The following KIAA0408 variants were observed in gnomAD, a reference collection of about 807,000 sequenced individuals.
The protein encoded by KIAA0408 is uncharacterized protein KIAA0408.
In KIAA0408, 51 loss-of-function variants were observed where a neutral mutation model predicts 60.9. That is an observed-to-expected ratio of 0.84 (90% confidence interval 0.67 to 1.06). KIAA0408 has a LOEUF of 1.06. Ranked by LOEUF, KIAA0408 falls within the 50% of genes least tolerant of loss-of-function variation. The probability of loss-of-function intolerance (pLI) is 0.00; values close to 1 mark genes in which losing one functional copy is unlikely to be tolerated. For synonymous variants in KIAA0408, 304 were observed against 282.4 expected, an observed-to-expected ratio of 1.08 and a Z score of -0.77; for missense variants, 787 against 833.9, an observed-to-expected ratio of 0.94 and a Z score of 0.69.
At position 127,440,516 on chromosome 6, in the gene KIAA0408, G is replaced by C. The variant is rs1026765229; in HGVS notation, c.*3593C>G. The stretch of plus-strand genomic sequence containing the variant: ...ATTTTTTGTATTTTTAGCAGAGAGG[G>C]GGTTTCACCGTGATGAAACCAGGAT... On this transcript the variant is annotated 3_prime_UTR_variant, in exon 6 of 6. Coordinates refer to ENST00000483725, the MANE Select transcript of KIAA0408 (RefSeq NM_014702.5). 2 of 151,734 alleles carry C rather than the reference G, an allele frequency of 1.3e-5. No homozygotes were observed. Among genetic ancestry groups the C allele is most frequent in the African/African-American group, 4.8e-5 (2 of 41,284 alleles). 9.4% of individuals were successfully genotyped at this position (151,734 alleles called of 1,614,324 possible). A position where few individuals can be genotyped will look rare whatever the true frequency, so the allele number is the denominator to read the frequency against.
Position 127,442,590 on chromosome 6 carries a change from A to AGTATGG in KIAA0408, c.*1518_*1519insCCATAC, listed in dbSNP as rs1773123634. On this transcript the variant is annotated 3_prime_UTR_variant, in exon 6 of 6. Transcript: ENST00000483725. ...CTTACAGTAAAGTATGAATCTAGAC[A>AGTATGG]TCACCATGCTACAGTCTTGAGCCTT... 4 of 152,220 alleles carry AGTATGG rather than the reference A, an allele frequency of 2.6e-5. No homozygotes were observed. In the East Asian group the frequency reaches 7.7e-4, roughly 29 times the overall value. The allele number at this position is 152,220 out of a possible 1,614,324, so 9.4% of individuals were successfully genotyped here. A position where few individuals can be genotyped will look rare whatever the true frequency, so the allele number is the denominator to read the frequency against.
chr6:127,450,043 C>G lies in KIAA0408; in HGVS notation c.445G>C (p.Asp149His), dbSNP rs1208494050. Reference protein sequence around the residue: ...DNQKECEAWPDLRTSEEDSKS... With the variant: ...DNQKECEAWPHLRTSEEDSKS... ...CTGTCTTCCTCAGAAGTCCTCAGGT[C>G]AGGCCAGGCCTCACATTCCTTTTGG... The change falls in exon 3 of 6, where the codon GAC becomes CAC. Residue 149 changes from aspartate (D) to histidine (H), a missense_variant. Transcript: ENST00000483725. 3 of 1,613,956 alleles carry G rather than the reference C, an allele frequency of 1.9e-6. No homozygotes were observed. Among genetic ancestry groups the G allele is most frequent in the Non-Finnish European group, 2.5e-6 (3 of 1,179,980 alleles).
chr6:127,456,005 T>A (rs961795987), intron 1 of KIAA0408, among the ~76,000 whole-genome samples: 4 of 152,214 alleles, frequency 2.6e-5, no homozygotes, highest in Non-Finnish European at 4.4e-5. Context: ...GTCTAACAAT[T>A]CTTCATAGGA....
At chr6:127,457,503 A>T (rs541856901) in intron 1 of KIAA0408, among the ~76,000 whole-genome samples, 12 of 152,350 alleles carry the variant, frequency 7.9e-5, no homozygotes, top group Non-Finnish European at 1.3e-4. Flanking sequence ...TCCATTTCAG[A>T]ATAAAAATTT....
intron 4 of KIAA0408, 113 bp from the exon 5 acceptor site, chr6:127,447,853 G>A: frequency 7.8e-7 from 1 of 1,285,962 alleles, no homozygotes. Flanking sequence ...ATTCACAACT[G>A]CCTCATACAT....
At chr6:127,457,810 G>A (rs1183977382) in intron 1 of KIAA0408, among the ~76,000 whole-genome samples, 1 of 152,160 alleles carries the variant, frequency 6.6e-6, no homozygotes, top group South Asian at 2.1e-4. Flanking sequence ...TTCTCTGAGG[G>A]GTGCTCCATT....
rs749050563 is a variant in KIAA0408 at position 127,444,282 on chromosome 6, C to T, written c.1912G>A (p.Glu638Lys). The change falls in exon 6 of 6, where the codon GAA becomes AAA. Residue 638 changes from glutamate (E) to lysine (K), a missense_variant and splice_region_variant. Physicochemically the swap from Glu to Lys is moderately conservative, Grantham distance 56. Transcript: ENST00000483725. ...QGIDPKKITE[E>K]SMSVNASHGK... ...TGTGAGGCGTTCACTGACATGGATTCCTAGGACACAAGTAAAAACATTCCT... is the reference window on the plus strand; with the variant it reads ...TGTGAGGCGTTCACTGACATGGATTTCTAGGACACAAGTAAAAACATTCCT... 13 of 1,573,894 alleles carry T rather than the reference C, an allele frequency of 8.3e-6. No individual in the cohort carries two copies. The highest frequency in any genetic ancestry group is 1.1e-5 in the Non-Finnish European group (13 of 1,161,866).
In KIAA0408 at chr6:127,438,513, T is replaced by C. The variant is rs1054268810; in HGVS notation, c.*5596A>G. The stretch of plus-strand genomic sequence containing the variant: ...GCAGCAGAGCACAATTGCAGTCACA[T>C]TGCTTAACAACAGGGATATGATCTG... On this transcript the variant is annotated 3_prime_UTR_variant, in exon 6 of 6. Coordinates refer to ENST00000483725, the MANE Select transcript of KIAA0408 (RefSeq NM_014702.5). 1 of 152,194 alleles carries C rather than the reference T, an allele frequency of 6.6e-6. No individual in the cohort carries two copies. Among genetic ancestry groups the C allele is most frequent in the Non-Finnish European group, 1.5e-5 (1 of 68,024 alleles). The allele number at this position is 152,194 out of a possible 1,614,324, so 9.4% of individuals were successfully genotyped here. A position where few individuals can be genotyped will look rare whatever the true frequency, so the allele number is the denominator to read the frequency against.
At position 127,438,409 on chromosome 6, in the gene KIAA0408, C is replaced by T. The variant is rs1773053803; in HGVS notation, c.*5700G>A. The T allele has an allele frequency of 6.6e-6, 1 of 152,066 alleles. No homozygotes were observed. The highest frequency in any genetic ancestry group is 1.5e-5 in the Non-Finnish European group (1 of 68,032). 9.4% of individuals were successfully genotyped at this position (152,066 alleles called of 1,614,324 possible). ...GAAAAAATCTGCAGATCCCAAATAG[C>T]TGGATTAAATTTGTTTAATGATTCT... On this transcript the variant is annotated 3_prime_UTR_variant, in exon 6 of 6. Coordinates refer to ENST00000483725, the MANE Select transcript of KIAA0408 (RefSeq NM_014702.5).
chr6:127,446,996 C>T lies in KIAA0408; in HGVS notation c.1323G>A (p.Lys441=), dbSNP rs755937723. The T allele has an allele frequency of 6.2e-7, 1 of 1,613,800 alleles. No homozygotes were observed. Among genetic ancestry groups the T allele is most frequent in the Non-Finnish European group, 8.5e-7 (1 of 1,179,950 alleles). The change falls in exon 5 of 6, where the codon AAG becomes AAA. Residue 441 remains lysine, a synonymous_variant. Coordinates refer to ENST00000483725, the MANE Select transcript of KIAA0408 (RefSeq NM_014702.5). ...ATACAGTTCTGTTAAATTCATCAGT[C>T]TTTGCTGCCAGCTTCTCATTCCTTG... The part of the protein sequence containing the change: ...RTTRNEKLAA[K]TDEFNRTVFR...
At chr6:127,458,388 T>C (rs899446484) in intron 1 of KIAA0408, among the ~76,000 whole-genome samples, 1 of 152,218 alleles carries the variant, frequency 6.6e-6, no homozygotes, top group Non-Finnish European at 1.5e-5. Flanking sequence ...ACATTCCTCA[T>C]GCTCCAACAA....
Position 127,446,799 on chromosome 6 carries a change from T to A in KIAA0408, c.1520A>T (p.Asn507Ile), listed in dbSNP as rs1282874717. ...TTTCTTGGTGGGATTATCAGGCACA[T>A]TTTCCATGGGCACAGGCATGTGGGC... ...TNAHMPVPME[N>I]VPDNPTKKST... Residue 507 changes from asparagine (N) to isoleucine (I), a missense_variant, in exon 5 of 6, where the codon AAT (asparagine) becomes ATT (isoleucine). Asn to Ile is a moderately radical substitution (Grantham distance 149). This residue lies in a region of KIAA0408 where 640 missense variants were observed against 681.3 expected (regional missense o/e 0.94). Coordinates refer to ENST00000483725, the MANE Select transcript of KIAA0408 (RefSeq NM_014702.5). The A allele has an allele frequency of 6.2e-7, 1 of 1,613,978 alleles. No homozygotes were observed. The highest frequency in any genetic ancestry group is 2.2e-5 in the East Asian group (1 of 44,866).
At chr6:127,449,377 T>A (rs111489428) in intron 4 of KIAA0408, among the ~76,000 whole-genome samples, 2,588 of 152,192 alleles carry the variant, frequency 0.017, 69 homozygotes, top group African/African-American at 0.058. Context: ...TGGCCTGGCG[T>A]GGTGGCTCAC....
Position 127,447,595 on chromosome 6 carries a change from T to A in KIAA0408, c.724A>T (p.Asn242Tyr), listed in dbSNP as rs778001803. The change falls in exon 5 of 6, where the codon AAT (asparagine) becomes TAT (tyrosine). Residue 242 changes from asparagine to tyrosine, a missense_variant. Asn to Tyr is a moderately radical substitution (Grantham distance 143). This residue lies in a region of KIAA0408 where 640 missense variants were observed against 681.3 expected (regional missense o/e 0.94). Transcript: ENST00000483725. ...QKNRKNLSCT[N>Y]VLQSNSTKKC... ...TTCGTAGAATTGCTCTGGAGCACATTGGTACAGCTCAGATTCTTCCTGTTT... is the reference window on the plus strand; with the variant it reads ...TTCGTAGAATTGCTCTGGAGCACATAGGTACAGCTCAGATTCTTCCTGTTT... The A allele has an allele frequency of 1.2e-6, 2 of 1,613,462 alleles. No homozygotes were observed. Among genetic ancestry groups the A allele is most frequent in the East Asian group, 4.5e-5 (2 of 44,874 alleles).
intron 4 of KIAA0408, among the ~76,000 whole-genome samples, 195 bp from the exon 5 acceptor site, chr6:127,447,935 TTATATTC>T (rs1773232939): frequency 6.6e-6 from 1 of 152,168 alleles, no homozygotes; most frequent in Non-Finnish European, 1.5e-5. Context: ...CCTCTCAGTG[TTATATTC>T]AATGCTCTAC....
At chr6:127,459,012 C>T (rs1008769764) in intron 1 of KIAA0408, among the ~76,000 whole-genome samples, 163 bp downstream of exon 1, 1 of 152,134 alleles carries the variant, frequency 6.6e-6, no homozygotes, top group Non-Finnish European at 1.5e-5. Flanking sequence ...GTTATGCACC[C>T]CGCCCACTGT....
At chr6:127,445,315 G>A (rs1446303753) in intron 5 of KIAA0408, among the ~76,000 whole-genome samples, 1 of 152,126 alleles carries the variant, frequency 6.6e-6, no homozygotes, top group African/African-American at 2.4e-5. Context: ...CAAGAATTTT[G>A]TTTGGTTATT....
chr6:127,447,088 A>C lies in KIAA0408; in HGVS notation c.1231T>G (p.Cys411Gly), dbSNP rs1416576585. The C allele has an allele frequency of 6.2e-7, 1 of 1,613,922 alleles. No individual in the cohort carries two copies. The highest frequency in any genetic ancestry group is 8.5e-7 in the Non-Finnish European group (1 of 1,179,982). Residue 411 changes from cysteine to glycine, a missense_variant, in exon 5 of 6, where the codon TGT (cysteine) becomes GGT (glycine). Coordinates refer to ENST00000483725, the MANE Select transcript of KIAA0408 (RefSeq NM_014702.5). Reference sequence around the variant, plus strand: ...CTGCTCTCTGCTACTGAGGAGCTACAGTCATTACTTACATGAAGATCAGGA... The same window carrying C: ...CTGCTCTCTGCTACTGAGGAGCTACCGTCATTACTTACATGAAGATCAGGA... The part of the protein sequence containing the change: ...SHPDLHVSND[C>G]SSSVAESSSP...
intron 1 of KIAA0408, 144 bp from the exon 2 acceptor site, chr6:127,454,245 G>A (rs1351983945): frequency 2.6e-6 from 2 of 764,150 alleles, no homozygotes; most frequent in Non-Finnish European, 3.4e-6. Context: ...TACTTAAGAA[G>A]AAGAAACTAA....
Sources: gnomAD v4.1 joint callset for allele counts (sites outside exome capture counted in the v4.1 genomes callset) on GRCh38, gnomAD v4.1.1 for gene constraint, gnomAD v4.1.1 regional missense constraint, MANE v1.5 for transcripts, NCBI Gene and HGNC (gene_info 2026-07-23, HGNC 2026-07-21) for gene names.